The following CDKAL1 variants were observed in gnomAD, a reference collection of about 807,000 sequenced individuals.
The protein encoded by CDKAL1 is CDKAL1 threonylcarbamoyladenosine tRNA methylthiotransferase.
In CDKAL1, 32 loss-of-function variants were observed where a neutral mutation model predicts 68.2. The observed-to-expected ratio is 0.47, with a 90% CI of 0.35 to 0.63. The LOEUF (loss-of-function observed/expected upper bound fraction) is 0.63, where lower values mean the gene tolerates loss of function less well. Ranked by LOEUF, CDKAL1 falls within the 30% of genes least tolerant of loss-of-function variation. The pLI, the probability that CDKAL1 is intolerant of heterozygous loss-of-function variation, is 0.00. For synonymous variants in CDKAL1, 234 were observed against 244.3 expected (o/e 0.96, Z 0.39); for missense variants, 606 against 696.7 (o/e 0.87, Z 1.47).
rs376501158 is a variant in CDKAL1 at position 20,706,174 on chromosome 6, A to G, written c.372-33345A>G. Among the ~76,000 whole-genome samples, 117 of 152,260 alleles carry G rather than the reference A, an allele frequency of 7.7e-4. 1 individual carries two copies. The South Asian group carries it at 0.022, about 29-fold the overall frequency. On this transcript the variant is annotated intron_variant, in intron 5 of 15. Transcript: ENST00000274695. Reference sequence around the variant, plus strand: ...TCTCTATGGAAAGCCCTATGGTGCTACCCATCAAGATTCCTTTGCCTTCAT... The same window carrying G: ...TCTCTATGGAAAGCCCTATGGTGCTGCCCATCAAGATTCCTTTGCCTTCAT...
intron 13 of CDKAL1, among the ~76,000 whole-genome samples, chr6:21,186,422 G>C (rs1326367676): frequency 6.6e-6 from 1 of 152,120 alleles, no homozygotes; most frequent in Non-Finnish European, 1.5e-5. Flanking sequence ...TTTTGATAAT[G>C]ATTACTTTCT....
chr6:20,905,559 A>T lies in CDKAL1; in HGVS notation c.743-49860A>T, dbSNP rs187736212. On this transcript the variant is annotated intron_variant, in intron 9 of 15. Transcript: ENST00000274695. ...AATGGTGGAAAACTTCCCACATTTG[A>T]TGAAAGACATGAATGTAAACATCCC... 1.9e-3 allele frequency among the ~76,000 whole-genome samples: 282 copies of T among 152,322 alleles called. 2 individuals carry two copies. Among genetic ancestry groups the T allele is most frequent in the African/African-American group, 6.4e-3 (268 of 41,572 alleles).
At chr6:20,899,920 A>G (rs1761881571) in intron 9 of CDKAL1, among the ~76,000 whole-genome samples, 1 of 152,248 alleles carries the variant, frequency 6.6e-6, no homozygotes, top group Non-Finnish European at 1.5e-5. Context: ...TGATGAGGAA[A>G]CTAAGGCAAA....
At chr6:20,843,150 A>G (rs1369187724) in intron 8 of CDKAL1, among the ~76,000 whole-genome samples, 2 of 152,120 alleles carry the variant, frequency 1.3e-5, no homozygotes, top group East Asian at 3.8e-4. Context: ...CACCTGGGAC[A>G]TGATAATGCA....
Position 21,188,497 on chromosome 6 carries a change from G to C in CDKAL1, c.1300-9524G>C, listed in dbSNP as rs796654038. 3.2e-4 allele frequency among the ~76,000 whole-genome samples: 48 copies of C among 152,250 alleles called. 1 individual carries two copies. Among genetic ancestry groups the C allele is most frequent in the African/African-American group, 1.2e-3 (48 of 41,546 alleles). ...GAGACCAGTGGGAATAGATCAAGAG[G>C]GTGGAAGTGAACGGAAATTCTGTTC... On this transcript the variant is annotated intron_variant, in intron 13 of 15. Coordinates refer to ENST00000274695, the MANE Select transcript of CDKAL1 (RefSeq NM_017774.3).
intron 11 of CDKAL1, among the ~76,000 whole-genome samples, chr6:21,037,709 C>G (rs989969): frequency 6.6e-6 from 1 of 152,028 alleles, no homozygotes; most frequent in South Asian, 2.1e-4. Context: ...GTAGCTACCC[C>G]CTACTGTATT....
intron 10 of CDKAL1, among the ~76,000 whole-genome samples, chr6:20,979,907 G>T (rs1375961662): frequency 6.6e-6 from 1 of 151,432 alleles, no homozygotes; most frequent in Non-Finnish European, 1.5e-5. Context: ...AAGTAGCAGG[G>T]ATTACAGGCA....
In CDKAL1 at chr6:21,129,682, C is replaced by CAAAAAAAAAAA. The variant is rs34802727; in HGVS notation, c.1299+21232_1299+21242dup. On this transcript the variant is annotated intron_variant, in intron 13 of 15. Transcript: ENST00000274695. The stretch of plus-strand genomic sequence containing the variant: ...ACTATACATTCTGACTGCAGTTTAC[C>CAAAAAAAAAAA]AAAAAAAAAAAAAAAAAAAAAAAGG... Among the ~76,000 whole-genome samples, 31 of 68,960 alleles carry CAAAAAAAAAAA rather than the reference C, an allele frequency of 4.5e-4. 1 individual carries two copies. Among genetic ancestry groups the CAAAAAAAAAAA allele is most frequent in the East Asian group, 1.8e-3 (4 of 2,254 alleles). 45.2% of individuals were successfully genotyped at this position (68,960 alleles called of 152,430 possible). A position where few individuals can be genotyped will look rare whatever the true frequency, so the allele number is the denominator to read the frequency against.
At chr6:20,747,609 T>C (rs561143029) in intron 6 of CDKAL1, among the ~76,000 whole-genome samples, 2 of 152,370 alleles carry the variant, frequency 1.3e-5, no homozygotes, top group South Asian at 2.1e-4. Flanking sequence ...TATGTTTTCA[T>C]TGGCTATTTG....
At chr6:20,960,757 G>T (rs766692889) in intron 10 of CDKAL1, among the ~76,000 whole-genome samples, 8 of 152,228 alleles carry the variant, frequency 5.3e-5, no homozygotes, top group Non-Finnish European at 1.0e-4. Context: ...GGGAACGGTT[G>T]TCATATATGT....
At chr6:20,993,584 G>A (rs1012441960) in intron 10 of CDKAL1, 1 of 152,166 alleles carries the variant, frequency 6.6e-6, no homozygotes, top group Non-Finnish European at 1.5e-5. Flanking sequence ...GAGTGATTTT[G>A]TTAAGCCAAT....
chr6:20,890,302 A>G (rs548083263), intron 9 of CDKAL1, among the ~76,000 whole-genome samples: 1 of 152,340 alleles, frequency 6.6e-6, no homozygotes, highest in African/African-American at 2.4e-5. Flanking sequence ...ATCAAGTTGT[A>G]GACTCTAAGC....
chr6:20,617,539 A>G (rs912222120), intron 4 of CDKAL1, among the ~76,000 whole-genome samples: 2 of 152,102 alleles, frequency 1.3e-5, no homozygotes, highest in Admixed American at 6.5e-5. Context: ...TTTACATTAG[A>G]TATTTCTCCT....
chr6:20,685,545 T>C (rs1298882376), intron 5 of CDKAL1, among the ~76,000 whole-genome samples: 14 of 152,200 alleles, frequency 9.2e-5, no homozygotes, highest in Non-Finnish European at 7.3e-5. Flanking sequence ...AATAACTTGC[T>C]GGGATTTTGA....
At position 20,557,057 on chromosome 6, in the gene CDKAL1, AT is replaced by A. The variant is rs1561923464; in HGVS notation, c.286+8353del. 1.3e-3 allele frequency among the ~76,000 whole-genome samples: 168 copies of A among 133,560 alleles called. 2 individuals are homozygous for A. The highest frequency in any genetic ancestry group is 7.1e-3 in the Middle Eastern group (2 of 282). The allele number at this position is 133,560 out of a possible 152,430, so 87.6% of individuals were successfully genotyped here. Reference sequence around the variant, plus strand: ...TCTCCATCTCAAAAAAAAAAAATAAATAAATAAATAAATAAATAAATAAATA... The same window carrying A: ...TCTCCATCTCAAAAAAAAAAAATAAAAAATAAATAAATAAATAAATAAATA... On this transcript the variant is annotated intron_variant, in intron 4 of 15. Coordinates refer to ENST00000274695, the MANE Select transcript of CDKAL1 (RefSeq NM_017774.3).
At chr6:20,840,544 G>A (rs1464693163) in intron 8 of CDKAL1, among the ~76,000 whole-genome samples, 2 of 152,162 alleles carry the variant, frequency 1.3e-5, no homozygotes, top group Non-Finnish European at 2.9e-5. Flanking sequence ...CAGGAGAGAC[G>A]ATTGAGTCAG....
At chr6:21,226,100 G>T (rs941308009) in intron 15 of CDKAL1, among the ~76,000 whole-genome samples, 3 of 152,158 alleles carry the variant, frequency 2.0e-5, no homozygotes, top group Non-Finnish European at 4.4e-5. Flanking sequence ...CCTAGAACCG[G>T]TTCCATCTGT....
chr6:20,712,161 T>G (rs546091454), intron 5 of CDKAL1, among the ~76,000 whole-genome samples: 55 of 152,238 alleles, frequency 3.6e-4, no homozygotes, highest in African/African-American at 1.3e-3. Flanking sequence ...CTAATCATCT[T>G]GAGTAGAGGC....
intron 12 of CDKAL1, among the ~76,000 whole-genome samples, chr6:21,067,630 A>G (rs151024778): frequency 2.6e-5 from 4 of 152,254 alleles, no homozygotes; most frequent in South Asian, 4.1e-4. Context: ...AAATCCCAAT[A>G]TTAGTATTGC....
Sources: gnomAD v4.1 joint callset for allele counts (sites outside exome capture counted in the v4.1 genomes callset) on GRCh38, gnomAD v4.1.1 for gene constraint, MANE v1.5 for transcripts, NCBI Gene and HGNC (gene_info 2026-07-23, HGNC 2026-07-21) for gene names.